Variants in FHIT observed in about 807,000 individuals in gnomAD.
FHIT encodes the protein fragile histidine triad diadenosine triphosphatase.
A neutral mutation model predicts 17.9 loss-of-function variants in FHIT; 19 were observed. The ratio of observed to expected loss-of-function variants is 1.06; its 90% CI spans 0.74 to 1.56. The LOEUF is 1.56. Among genes scored for constraint, FHIT ranks in the 40% most tolerant of loss-of-function variants. The pLI is 0.00. For missense variants in FHIT, 248 were observed against 189.2 expected (o/e 1.31, Z -1.82); for synonymous variants, 81 against 69.7 (o/e 1.16, Z -0.81).
intron 5 of FHIT, among the ~76,000 whole-genome samples, chr3:60,464,519 C>T (rs1167731190): frequency 6.6e-6 from 1 of 152,044 alleles, no homozygotes; most frequent in African/African-American, 2.4e-5. Flanking sequence ...AACTACCCTT[C>T]CCAGCTTCTG....
At chr3:61,144,063 A>G (rs2037161672) in intron 2 of FHIT, among the ~76,000 whole-genome samples, 2 of 152,196 alleles carry the variant, frequency 1.3e-5, no homozygotes, top group African/African-American at 4.8e-5. Context: ...TTTACAAACC[A>G]TAAAATTCAC....
chr3:60,933,677 A>G (rs144226704), intron 3 of FHIT, among the ~76,000 whole-genome samples: 237 of 152,290 alleles, frequency 1.6e-3, no homozygotes, highest in Non-Finnish European at 2.7e-3. Flanking sequence ...TTAGAAAAAC[A>G]AATTATTTTT....
intron 4 of FHIT, among the ~76,000 whole-genome samples, chr3:60,711,393 T>C (rs1553705088): frequency 6.6e-6 from 1 of 152,138 alleles, no homozygotes; most frequent in African/African-American, 2.4e-5. Context: ...GGAACGCAGC[T>C]CCTCACCAGC....
intron 3 of FHIT, among the ~76,000 whole-genome samples, chr3:60,903,816 T>A (rs573547180): frequency 6.6e-6 from 1 of 152,306 alleles, no homozygotes; most frequent in South Asian, 2.1e-4. Flanking sequence ...CTCCAAGAAT[T>A]GGACTGCCAA....
At chr3:60,299,589 G>C (rs1189650471) in intron 5 of FHIT, among the ~76,000 whole-genome samples, 2 of 152,072 alleles carry the variant, frequency 1.3e-5, no homozygotes, top group African/African-American at 4.8e-5. Context: ...AGGGGAGAAA[G>C]TCCTAATTGT....
chr3:60,351,137 T>C lies in FHIT; in HGVS notation c.103+185723A>G, dbSNP rs146932073. On this transcript the variant is annotated intron_variant, in intron 5 of 9. Coordinates refer to ENST00000492590, the MANE Select transcript of FHIT (RefSeq NM_002012.4). Reference sequence around the variant, plus strand: ...CTTCTGACTCACATGAACTATGAGATAATAAAGGTGTGTTATCTTAGCACC... The same window carrying C: ...CTTCTGACTCACATGAACTATGAGACAATAAAGGTGTGTTATCTTAGCACC... Among the ~76,000 whole-genome samples the C allele has an allele frequency of 7.9e-5, 12 of 152,292 alleles. No individual in the cohort carries two copies. In the East Asian group the frequency reaches 2.3e-3, roughly 29 times the overall value.
intron 5 of FHIT, among the ~76,000 whole-genome samples, chr3:60,329,957 C>A (rs1709884372): frequency 6.6e-6 from 1 of 152,154 alleles, no homozygotes; most frequent in Non-Finnish European, 1.5e-5. Context: ...AAAGACAAAA[C>A]CATTTTATTT....
At chr3:61,117,403 G>T (rs901084074) in intron 2 of FHIT, among the ~76,000 whole-genome samples, 4 of 152,092 alleles carry the variant, frequency 2.6e-5, no homozygotes, top group Non-Finnish European at 5.9e-5. Context: ...TACTTTTGTA[G>T]CAAATGAGCC....
At chr3:59,754,339 TAATTCTCCTTAGTGAAAGAAAACCAC>T (rs1473010102) in intron 8 of FHIT, among the ~76,000 whole-genome samples, 1 of 152,240 alleles carries the variant, frequency 6.6e-6, no homozygotes, top group Non-Finnish European at 1.5e-5. Flanking sequence ...CATGTAGATT[TAATTCTCCTTAGTGAAAGAAAACCAC>T]ATTAAGAAGT....
intron 4 of FHIT, among the ~76,000 whole-genome samples, chr3:60,637,433 ATATT>A (rs1452724718): frequency 6.6e-6 from 1 of 152,178 alleles, no homozygotes; most frequent in Non-Finnish European, 1.5e-5. Flanking sequence ...TAGGAAGGGT[ATATT>A]TATTTAAAAA....
At chr3:60,839,056 C>A (rs1325489448) in intron 3 of FHIT, among the ~76,000 whole-genome samples, 11 of 152,118 alleles carry the variant, frequency 7.2e-5, no homozygotes, top group Admixed American at 6.5e-5. Flanking sequence ...TTGGAACAAG[C>A]AAGAGATGCA....
At chr3:60,248,057 G>T (rs1329866724) in intron 5 of FHIT, among the ~76,000 whole-genome samples, 1 of 152,036 alleles carries the variant, frequency 6.6e-6, no homozygotes, top group Admixed American at 6.6e-5. Flanking sequence ...CAGGTTAGAG[G>T]AATGACTTAT....
intron 2 of FHIT, among the ~76,000 whole-genome samples, chr3:61,044,178 C>A (rs945004620): frequency 1.3e-5 from 2 of 152,114 alleles, no homozygotes; most frequent in Non-Finnish European, 2.9e-5. Context: ...TAGTAACAAA[C>A]TTCTCCAAGC....
chr3:60,716,630 G>C (rs575999651), intron 4 of FHIT, among the ~76,000 whole-genome samples: 1 of 152,258 alleles, frequency 6.6e-6, no homozygotes, highest in South Asian at 2.1e-4. Flanking sequence ...TCTTTAATAA[G>C]TAGAAGTACA....
chr3:59,842,932 T>A (rs1701585954), intron 8 of FHIT, among the ~76,000 whole-genome samples: 1 of 152,178 alleles, frequency 6.6e-6, no homozygotes, highest in African/African-American at 2.4e-5. Context: ...TCATCTATTT[T>A]TCCTTTTGAT....
chr3:61,163,238 CT>C (rs2037746553), intron 2 of FHIT, among the ~76,000 whole-genome samples: 1 of 152,192 alleles, frequency 6.6e-6, no homozygotes. Context: ...CTAACTACCC[CT>C]CCTCTCTGCC....
chr3:60,317,731 A>G (rs1186973170), intron 5 of FHIT, among the ~76,000 whole-genome samples: 1 of 149,996 alleles, frequency 6.7e-6, no homozygotes, highest in Non-Finnish European at 1.5e-5. Flanking sequence ...CAGTTGCTAC[A>G]GAACTCTAGT....
chr3:60,390,483 ACTT>A (rs1701184675), intron 5 of FHIT, among the ~76,000 whole-genome samples: 2 of 150,456 alleles, frequency 1.3e-5, no homozygotes, highest in South Asian at 4.2e-4. Context: ...TTTAGAGTCT[ACTT>A]CTTCTATTTA....
chr3:60,749,302 G>A (rs2042420801), intron 4 of FHIT, among the ~76,000 whole-genome samples: 1 of 106,702 alleles, frequency 9.4e-6, no homozygotes, highest in African/African-American at 4.3e-5. Context: ...GAAGCTCTGA[G>A]ACGGTTTTTT....
Sources: gnomAD v4.1 joint callset for allele counts (sites outside exome capture counted in the v4.1 genomes callset) on GRCh38, gnomAD v4.1.1 for gene constraint, MANE v1.5 for transcripts, NCBI Gene and HGNC (gene_info 2026-07-23, HGNC 2026-07-21) for gene names.